The following NOL4 variants were observed in gnomAD, a reference collection of about 807,000 sequenced individuals.
NOL4 encodes cancer/testis antigen 125.
A neutral mutation model predicts 75.9 loss-of-function variants in NOL4; 17 were observed. That is an observed-to-expected ratio of 0.22 (90% CI 0.15 to 0.34). NOL4 has a LOEUF of 0.34. NOL4 is among the 10% of genes least tolerant of loss of function. NOL4 has a pLI of 1.00. For missense variants in NOL4, 614 were observed against 793.5 expected (o/e 0.77, Z 2.72); for synonymous variants, 292 against 289.9 (o/e 1.01, Z -0.07).
chr18:33,967,655 C>T (rs1354360461), intron 6 of NOL4, among the ~76,000 whole-genome samples: 1 of 152,132 alleles, frequency 6.6e-6, no homozygotes, highest in African/African-American at 2.4e-5. Flanking sequence ...GGGCAAAGGA[C>T]ATTAATAGAC....
At chr18:33,863,077 A>C (rs1435487107) in intron 10 of NOL4, among the ~76,000 whole-genome samples, 1 of 152,234 alleles carries the variant, frequency 6.6e-6, no homozygotes, top group African/African-American at 2.4e-5. Flanking sequence ...TACACCATGG[A>C]ATACTATGCA....
Position 34,117,283 on chromosome 18 carries a change from A to G in NOL4, c.415-12123T>C, listed in dbSNP as rs1026853564. On this transcript the variant is annotated intron_variant, in intron 2 of 10. Transcript: ENST00000261592. ...GTTGTGTATTTTGCCAATTATGTAC[A>G]AGAGACAGGACTCACCTGCTATTGT... Among the ~76,000 whole-genome samples the G allele has an allele frequency of 4.6e-5, 7 of 152,332 alleles. No individual in the cohort carries two copies. The East Asian group carries it at 1.3e-3, about 29-fold the overall frequency.
chr18:34,018,389 AC>A (rs2074833626), intron 6 of NOL4, among the ~76,000 whole-genome samples: 1 of 151,964 alleles, frequency 6.6e-6, no homozygotes, highest in South Asian at 2.1e-4. Context: ...AAAACAACAC[AC>A]CCCCAGGCAA....
chr18:33,865,236 T>C (rs889996150), intron 10 of NOL4, among the ~76,000 whole-genome samples: 4 of 152,122 alleles, frequency 2.6e-5, no homozygotes, highest in African/African-American at 9.7e-5. Flanking sequence ...TCCAGGATAC[T>C]CAAGTCCTTT....
chr18:34,134,211 G>A (rs866308758), intron 1 of NOL4, among the ~76,000 whole-genome samples: 2 of 151,918 alleles, frequency 1.3e-5, no homozygotes, highest in South Asian at 4.2e-4. Context: ...AAAAAAGTGG[G>A]AAAAATATAG....
intron 1 of NOL4, among the ~76,000 whole-genome samples, chr18:34,174,805 G>T (rs2033389252): frequency 6.6e-6 from 1 of 152,126 alleles, no homozygotes; most frequent in African/African-American, 2.4e-5. Flanking sequence ...ATGTGAGTTT[G>T]CTGAGAATGA....
intron 1 of NOL4, among the ~76,000 whole-genome samples, chr18:34,151,870 G>A (rs1399554458): frequency 6.6e-6 from 1 of 151,724 alleles, no homozygotes; most frequent in East Asian, 1.9e-4. Flanking sequence ...TAAAATGAGA[G>A]GGGGAAAAGG....
At position 34,100,724 on chromosome 18, in the gene NOL4, C is replaced by T. The variant is rs78970314; in HGVS notation, c.639+3323G>A. Reference sequence around the variant, plus strand: ...GGGCTTTGTTTGTTCAGTCTACACTCACTACCTTGGTAGTATCTTCAGTCT... The same window carrying T: ...GGGCTTTGTTTGTTCAGTCTACACTTACTACCTTGGTAGTATCTTCAGTCT... On this transcript the variant is annotated intron_variant, in intron 4 of 10. Transcript: ENST00000261592. Among the ~76,000 whole-genome samples the T allele has an allele frequency of 2.3e-3, 347 of 152,260 alleles. 1 individual carries two copies. Among genetic ancestry groups the T allele is most frequent in the African/African-American group, 8.0e-3 (331 of 41,550 alleles).
chr18:34,120,028 T>C (rs1247785838), intron 2 of NOL4, among the ~76,000 whole-genome samples: 1 of 152,232 alleles, frequency 6.6e-6, no homozygotes, highest in East Asian at 1.9e-4. Context: ...TACAAACTAT[T>C]GTTTATCTGA....
rs116541669 is a variant in NOL4 at position 34,134,855 on chromosome 18, A to T, written c.265-4835T>A. ...TATAAAGAAATTAACATACTTCTGA[A>T]AACTAATTGGTCAGACGAATCCAAA... On this transcript the variant is annotated intron_variant, in intron 1 of 10. Transcript: ENST00000261592. Among the ~76,000 whole-genome samples the T allele has an allele frequency of 5.6e-3, 848 of 152,304 alleles. 11 individuals carry two copies. The highest frequency in any genetic ancestry group is 0.02 in the African/African-American group (813 of 41,566).
chr18:33,906,312 C>T (rs920258680), intron 9 of NOL4, among the ~76,000 whole-genome samples: 1 of 152,100 alleles, frequency 6.6e-6, no homozygotes, highest in African/African-American at 2.4e-5. Flanking sequence ...GGACTCCAAC[C>T]CTTTCTTTTT....
intron 9 of NOL4, among the ~76,000 whole-genome samples, chr18:33,939,917 A>G (rs965142878): frequency 4.6e-5 from 7 of 152,128 alleles, no homozygotes; most frequent in African/African-American, 1.4e-4. Flanking sequence ...TTCTCAGAAG[A>G]AGACATTCAT....
At chr18:34,059,116 GATATAC>G (rs1568287126) in intron 5 of NOL4, among the ~76,000 whole-genome samples, 2 of 80,948 alleles carry the variant, frequency 2.5e-5, no homozygotes, top group African/African-American at 4.3e-5. Flanking sequence ...GAGATAGATA[GATATAC>G]ATATATATAT....
intron 9 of NOL4, among the ~76,000 whole-genome samples, chr18:33,891,772 C>A (rs535384875): frequency 1.1e-4 from 17 of 152,288 alleles, no homozygotes; most frequent in Admixed American, 3.9e-4. Flanking sequence ...CTATGAGATA[C>A]ATTTTTTAAA....
chr18:33,903,482 T>C (rs913778497), intron 9 of NOL4, among the ~76,000 whole-genome samples: 1 of 152,134 alleles, frequency 6.6e-6, no homozygotes, highest in African/African-American at 2.4e-5. Context: ...TTTTGACTCC[T>C]GGGTACACAT....
intron 9 of NOL4, among the ~76,000 whole-genome samples, chr18:33,891,913 T>C (rs1054798929): frequency 2.6e-5 from 4 of 152,170 alleles, no homozygotes; most frequent in Non-Finnish European, 5.9e-5. Context: ...TGGATTTGCA[T>C]TATTAATGTT....
chr18:33,945,253 G>A (rs951048587), intron 8 of NOL4, among the ~76,000 whole-genome samples: 1 of 151,514 alleles, frequency 6.6e-6, no homozygotes, highest in African/African-American at 2.4e-5. Context: ...TCGTTACCTC[G>A]ATTTTTCTCT....
intron 5 of NOL4, among the ~76,000 whole-genome samples, chr18:34,088,135 T>TTA (rs1239237373): frequency 1.3e-5 from 2 of 151,998 alleles, no homozygotes; most frequent in African/African-American, 2.4e-5. Flanking sequence ...ATAGTTTACA[T>TTA]TAAAGTGTTA....
intron 10 of NOL4, among the ~76,000 whole-genome samples, chr18:33,881,110 T>C (rs1489229617): frequency 6.6e-6 from 1 of 151,898 alleles, no homozygotes; most frequent in Non-Finnish European, 1.5e-5. Context: ...CCTAGGTATT[T>C]TATTCTCTTT....
Sources: gnomAD v4.1 joint callset for allele counts (sites outside exome capture counted in the v4.1 genomes callset) on GRCh38, gnomAD v4.1.1 for gene constraint, MANE v1.5 for transcripts, NCBI Gene and HGNC (gene_info 2026-07-23, HGNC 2026-07-21) for gene names.